Variants in CCDC148 observed in about 807,000 individuals in gnomAD.
CCDC148 encodes the protein coiled-coil domain-containing protein 148.
A neutral mutation model predicts 85.7 loss-of-function variants in CCDC148; 89 were observed. That is an observed-to-expected ratio of 1.04 (90% CI 0.87 to 1.24). The LOEUF (loss-of-function observed/expected upper bound fraction) is 1.24, where lower values mean the gene tolerates loss of function less well. CCDC148 is among the 50% of genes most tolerant of loss of function. The pLI is 0.00. For missense variants in CCDC148, 692 were observed against 671.7 expected (o/e 1.03, Z -0.33); for synonymous variants, 230 against 213.9 (o/e 1.08, Z -0.66).
At chr2:158,232,995 A>C (rs1687926651) in intron 10 of CCDC148, among the ~76,000 whole-genome samples, 1 of 152,198 alleles carries the variant, frequency 6.6e-6, no homozygotes, top group Admixed American at 6.5e-5. Flanking sequence ...TGTATCTTTC[A>C]AAATAGCTAG....
chr2:158,306,808 C>T (rs1691710271), intron 9 of CCDC148, among the ~76,000 whole-genome samples: 1 of 150,228 alleles, frequency 6.7e-6, no homozygotes, highest in African/African-American at 2.5e-5. Context: ...GCACATGTAC[C>T]CTAGAACTTA....
At chr2:158,283,074 A>G (rs1690415691) in intron 9 of CCDC148, among the ~76,000 whole-genome samples, 1 of 152,242 alleles carries the variant, frequency 6.6e-6, no homozygotes, top group Admixed American at 6.5e-5. Context: ...CTGGCTAGCC[A>G]TATGTAGAAA....
intron 9 of CCDC148, among the ~76,000 whole-genome samples, chr2:158,306,373 A>C: frequency 6.6e-6 from 1 of 152,268 alleles, no homozygotes; most frequent in Non-Finnish European, 1.5e-5. Context: ...AAAAAATACA[A>C]AAAACGTATG....
In CCDC148 at chr2:158,386,070, T is replaced by C. The variant is rs76674518; in HGVS notation, c.26-27500A>G. On this transcript the variant is annotated intron_variant, in intron 1 of 13. Transcript: ENST00000283233. ...CTAGAGTATGGCTTTTGCTTGGTTT[T>C]AGCAACAATATGAAGCATCCTAGAG... 1.9e-4 allele frequency among the ~76,000 whole-genome samples: 29 copies of C among 152,182 alleles called. No homozygotes were observed. The East Asian group carries it at 5.6e-3, about 29-fold the overall frequency.
rs180692156 is a variant in CCDC148 at position 158,172,701 on chromosome 2, T to C, written c.1630-442A>G. Among the ~76,000 whole-genome samples the C allele has an allele frequency of 1.1e-3, 162 of 152,180 alleles. 1 individual carries two copies. Among genetic ancestry groups the C allele is most frequent in the Non-Finnish European group, 2.1e-3 (140 of 67,986 alleles). The stretch of plus-strand genomic sequence containing the variant: ...TTAAGTTTAAACACATGGCCACCAC[T>C]TGAAAAACAAAATCAATAGAACTTT... On this transcript the variant is annotated intron_variant, in intron 13 of 13. Coordinates refer to ENST00000283233, the MANE Select transcript of CCDC148 (RefSeq NM_138803.4).
In CCDC148 at chr2:158,447,087, T is replaced by C. The variant is rs543036924; in HGVS notation, c.25+9328A>G. The C allele has an allele frequency of 2.6e-5, 4 of 152,350 alleles. No individual in the cohort carries two copies. In the South Asian group the frequency reaches 6.2e-4, roughly 24 times the overall value. The allele number at this position is 152,350 out of a possible 1,614,324, so 9.4% of individuals were successfully genotyped here. A position where few individuals can be genotyped will look rare whatever the true frequency, so the allele number is the denominator to read the frequency against. On this transcript the variant is annotated intron_variant, in intron 1 of 13. Transcript: ENST00000283233. ...ATGTAAAAGTCTGTGTGGACATACA[T>C]ATTTATTTCTATTGAAGTAAGATTG...
At chr2:158,318,714 C>A (rs1034242082) in intron 7 of CCDC148, among the ~76,000 whole-genome samples, 4 of 151,832 alleles carry the variant, frequency 2.6e-5, no homozygotes, top group African/African-American at 7.3e-5. Context: ...AACATCCATC[C>A]AGCAGTAGTT....
In CCDC148 at chr2:158,254,950, T is replaced by C. The variant is rs186916089; in HGVS notation, c.1111-4038A>G. Reference sequence around the variant, plus strand: ...CCAATTTATTTAATTTACCCTTCCCTGTCTTTGGCAAGTCTAAATGATGCT... The same window carrying C: ...CCAATTTATTTAATTTACCCTTCCCCGTCTTTGGCAAGTCTAAATGATGCT... On this transcript the variant is annotated intron_variant, in intron 9 of 13. Transcript: ENST00000283233. Among the ~76,000 whole-genome samples the C allele has an allele frequency of 6.7e-5, 10 of 149,758 alleles. No individual in the cohort carries two copies. In the East Asian group the frequency reaches 2.0e-3, roughly 29 times the overall value.
chr2:158,416,880 T>C (rs753212112), intron 1 of CCDC148, among the ~76,000 whole-genome samples: 1 of 152,148 alleles, frequency 6.6e-6, no homozygotes, highest in African/African-American at 2.4e-5. Context: ...GAGTAATTTA[T>C]AAAGAAAAGA....
At chr2:158,232,036 G>T (rs1687879641) in intron 10 of CCDC148, among the ~76,000 whole-genome samples, 2 of 151,318 alleles carry the variant, frequency 1.3e-5, no homozygotes, top group African/African-American at 4.8e-5. Context: ...CTTTTTGAAG[G>T]ATTCTTATAA....
intron 10 of CCDC148, chr2:158,235,860 G>A (rs1172628640): frequency 3.3e-5 from 5 of 152,308 alleles, no homozygotes; most frequent in Non-Finnish European, 7.3e-5. Flanking sequence ...GACCCCTGAC[G>A]GGAGCTGAGA....
chr2:158,268,439 A>T lies in CCDC148; in HGVS notation c.1111-17527T>A, dbSNP rs551015310. On this transcript the variant is annotated intron_variant, in intron 9 of 13. Transcript: ENST00000283233. The stretch of plus-strand genomic sequence containing the variant: ...CTCACGTCCTCTATACCAAATTTTT[A>T]AAATTTTCCAGATTTATTGAGGTAT... Among the ~76,000 whole-genome samples the T allele has an allele frequency of 2.6e-5, 4 of 152,282 alleles. No homozygotes were observed. In the South Asian group the frequency reaches 8.3e-4, roughly 32 times the overall value.
intron 9 of CCDC148, among the ~76,000 whole-genome samples, chr2:158,284,050 C>G (rs1263141217): frequency 2.7e-5 from 4 of 146,672 alleles, no homozygotes; most frequent in Non-Finnish European, 5.9e-5. Context: ...ACCGCATATT[C>G]TCACTCATAC....
At chr2:158,250,662 A>T (rs1688752315) in intron 10 of CCDC148, 110 bp downstream of exon 10, 1 of 1,380,434 alleles carries the variant, frequency 7.2e-7, no homozygotes. Context: ...ATCTTTATGA[A>T]TGTTCTCAGA....
At chr2:158,446,742 A>G (rs936991095) in intron 1 of CCDC148, among the ~76,000 whole-genome samples, 1 of 152,212 alleles carries the variant, frequency 6.6e-6, no homozygotes, top group Non-Finnish European at 1.5e-5. Context: ...ACATCACCAG[A>G]AAACATTCAG....
chr2:158,424,141 T>C (rs938622083), intron 1 of CCDC148, among the ~76,000 whole-genome samples: 4 of 152,222 alleles, frequency 2.6e-5, no homozygotes, highest in African/African-American at 9.6e-5. Context: ...AGTTCAACCA[T>C]TGTGGAAGTC....
intron 1 of CCDC148, among the ~76,000 whole-genome samples, chr2:158,359,334 T>C (rs1683821637): frequency 6.6e-6 from 1 of 152,172 alleles, no homozygotes; most frequent in Non-Finnish European, 1.5e-5. Context: ...TATAGGAAGC[T>C]CTCAAATGAT....
chr2:158,344,811 C>T lies in CCDC148; in HGVS notation c.251+404G>A, dbSNP rs1484106134. On this transcript the variant is annotated intron_variant, in intron 3 of 13. Transcript: ENST00000283233. Reference sequence around the variant, plus strand: ...ATGTATTAAAAGCATTTACATCTCTCCTATGTATTCTACTATATAAAAATG... The same window carrying T: ...ATGTATTAAAAGCATTTACATCTCTTCTATGTATTCTACTATATAAAAATG... 4.6e-5 allele frequency among the ~76,000 whole-genome samples: 7 copies of T among 152,100 alleles called. No individual in the cohort carries two copies. The East Asian group carries it at 1.3e-3, about 29-fold the overall frequency.
At chr2:158,310,845 G>A (rs531197152) in intron 8 of CCDC148, among the ~76,000 whole-genome samples, 3 of 148,838 alleles carry the variant, frequency 2.0e-5, no homozygotes, top group South Asian at 2.2e-4. Context: ...TGGGATGACG[G>A]CCAGGAAGAG....
Sources: allele counts gnomAD v4.1 joint callset (sites outside exome capture counted in the v4.1 genomes callset), GRCh38; gene constraint gnomAD v4.1.1; transcripts MANE v1.5; gene names NCBI Gene and HGNC (gene_info 2026-07-23, HGNC 2026-07-21).